Variants in TRIM25 observed in about 807,000 individuals in gnomAD.
The protein encoded by TRIM25 is E3 ubiquitin/ISG15 ligase TRIM25.
TRIM25 carries 45 observed loss-of-function variants against 65.2 expected under a neutral mutation model. That is an observed-to-expected ratio of 0.69 (90% CI 0.54 to 0.89). TRIM25 has a LOEUF of 0.89. Ranked by LOEUF, TRIM25 falls within the 40% of genes least tolerant of loss-of-function variation. The pLI is 0.00. For missense variants in TRIM25, 714 were observed against 803.7 expected, an observed-to-expected ratio of 0.89 and a Z score of 1.35; for synonymous variants, 321 against 340.4, an observed-to-expected ratio of 0.94 and a Z score of 0.63.
In TRIM25 at chr17:56,913,396, A is replaced by C. The variant is rs778615840; in HGVS notation, c.593T>G (p.Leu198Arg). ...ACCCAGCAGGCCGTTCCCTACCTCC[A>C]GGTCGGCGCTGGCCTGGCTCAGGGA... Reference protein sequence around the residue: ...PASLSQASADLEATLRHKLTV... With the variant: ...PASLSQASADREATLRHKLTV... The change falls in exon 1 of 9, where the codon CTG (leucine) becomes CGG (arginine). Residue 198 changes from leucine (L) to arginine (R), a missense_variant. Transcript: ENST00000316881. The surrounding 1 kb of genome is among the most constrained non-coding windows in gnomAD (Gnocchi z 6.1). 1.3e-6 allele frequency: 2 copies of C among 1,558,644 alleles called. No individual in the cohort carries two copies. Among genetic ancestry groups the C allele is most frequent in the South Asian group, 2.4e-5 (2 of 83,440 alleles).
intron 5 of TRIM25, among the ~76,000 whole-genome samples, chr17:56,898,215 A>C (rs1909334732): frequency 6.6e-6 from 1 of 152,310 alleles, no homozygotes; most frequent in Non-Finnish European, 1.5e-5. Flanking sequence ...GTATATGGAC[A>C]TGTCAGCAGT....
At chr17:56,894,899 A>T (rs1461622285) in intron 8 of TRIM25, among the ~76,000 whole-genome samples, 1 of 152,234 alleles carries the variant, frequency 6.6e-6, no homozygotes, top group Non-Finnish European at 1.5e-5. Context: ...GTGAAGCAGA[A>T]GGTGGGCGGG....
chr17:56,891,573 G>A lies in TRIM25; in HGVS notation c.*127C>T. ...AATCCCACCTCCCACCCTCCCGCCA[G>A]CTCCCCTCCCATGCTCCCAATCCTT... On this transcript the variant is annotated 3_prime_UTR_variant, in exon 9 of 9. Coordinates refer to ENST00000316881, the MANE Select transcript of TRIM25 (RefSeq NM_005082.5). The A allele has an allele frequency of 2.0e-4, 63 of 309,464 alleles. No homozygotes were observed. Among genetic ancestry groups the A allele is most frequent in the Middle Eastern group, 1.3e-3 (1 of 798 alleles). 19.2% of individuals were successfully genotyped at this position (309,464 alleles called of 1,614,324 possible). A position where few individuals can be genotyped will look rare whatever the true frequency, so the allele number is the denominator to read the frequency against.
chr17:56,906,300 A>G (rs1909518468), intron 2 of TRIM25, among the ~76,000 whole-genome samples: 3 of 152,156 alleles, frequency 2.0e-5, no homozygotes. Flanking sequence ...TGCTGGAAGC[A>G]TGCTCTTGGA....
chr17:56,904,349 T>C lies in TRIM25; in HGVS notation c.833A>G (p.Tyr278Cys), dbSNP rs776527461. Residue 278 changes from tyrosine (Y) to cysteine (C), a missense_variant, in exon 3 of 9, where the codon TAT (tyrosine) becomes TGT (cysteine). Physicochemically the swap from Tyr to Cys is radical, Grantham distance 194. Transcript: ENST00000316881. ...KRVNSKFDTI[Y>C]QILLKKKSEI... ...ACTCTTCTTCTTGAGGAGAATCTGATAAATGGTGTCAAACTTGCTGTTGAC... is the reference window on the plus strand; with the variant it reads ...ACTCTTCTTCTTGAGGAGAATCTGACAAATGGTGTCAAACTTGCTGTTGAC... 6 of 1,614,044 alleles carry C rather than the reference T, an allele frequency of 3.7e-6. No homozygotes were observed. Among genetic ancestry groups the C allele is most frequent in the East Asian group, 4.5e-5 (2 of 44,892 alleles).
chr17:56,910,693 C>G (rs1239983153), intron 1 of TRIM25, among the ~76,000 whole-genome samples: 3 of 152,228 alleles, frequency 2.0e-5, no homozygotes. Context: ...CAATAATCCC[C>G]TAATCAAAGG....
chr17:56,899,165 T>C lies in TRIM25; in HGVS notation c.1103A>G (p.His368Arg). 2.5e-6 allele frequency: 4 copies of C among 1,614,036 alleles called. No homozygotes were observed. The highest frequency in any genetic ancestry group is 1.3e-5 in the African/African-American group (1 of 74,982). The change falls in exon 5 of 9, where the codon CAT becomes CGT. Residue 368 changes from histidine to arginine, a missense_variant. By Grantham distance (29) the His-to-Arg change is conservative. This residue lies in a region of TRIM25 where 413 missense variants were observed against 498.2 expected (regional missense o/e 0.83). Transcript: ENST00000316881. Reference sequence around the variant, plus strand: ...GGATTTGTGTGTGGACGCTGGGTCATGCTCTCCAGGGTCACCTGTGTCAGA... The same window carrying C: ...GGATTTGTGTGTGGACGCTGGGTCACGCTCTCCAGGGTCACCTGTGTCAGA... ...PTPSSGDPGE[H>R]DPASTHKSTR...
In TRIM25 at chr17:56,901,467, C is replaced by A; in HGVS notation, c.1039G>T (p.Glu347Ter). 6.2e-7 allele frequency: 1 copy of A among 1,614,084 alleles called. No individual in the cohort carries two copies. The highest frequency in any genetic ancestry group is 8.5e-7 in the Non-Finnish European group (1 of 1,180,018). The change falls in exon 4 of 9, where the codon GAG (glutamate) becomes TAG (stop). Residue 347 changes from glutamate (E) to a stop codon, truncating the protein, a stop_gained. Transcript: ENST00000316881. LOFTEE classifies it high-confidence loss of function. ...IHQSTIDLKNELKQCIGRLQE... is the reference protein window; with the variant it reads ...IHQSTIDLKN ...AGCCGCCCGATGCACTGCTTCAGCT[C>A]GTTTTTGAGGTCTATGGTGCTCTGG...
Position 56,891,922 on chromosome 17 carries a change from C to T in TRIM25, c.1671G>A (p.Lys557=). Residue 557 remains lysine (K), a synonymous_variant, in exon 9 of 9, where the codon AAG becomes AAA. Coordinates refer to ENST00000316881, the MANE Select transcript of TRIM25 (RefSeq NM_005082.5). ...ASWCVEWFNT[K]ISAWHNNVEK... is the part of the protein sequence containing the mutation. Reference sequence around the variant, plus strand: ...CCACGTTATTGTGCCAGGCAGAGATCTTGGTGTTGAACCACTCCACGCACC... The same window carrying T: ...CCACGTTATTGTGCCAGGCAGAGATTTTGGTGTTGAACCACTCCACGCACC... The T allele has an allele frequency of 6.2e-7, 1 of 1,614,240 alleles. No individual in the cohort carries two copies. The highest frequency in any genetic ancestry group is 8.5e-7 in the Non-Finnish European group (1 of 1,180,044).
chr17:56,904,422 C>A lies in TRIM25; in HGVS notation c.760G>T (p.Ala254Ser), dbSNP rs138531008. The change falls in exon 3 of 9, where the codon GCC becomes TCC. Residue 254 changes from alanine (A) to serine (S), a missense_variant. Around this residue, in one of 3 missense-constraint regions of TRIM25, gnomAD observed 413 missense variants for 498.2 expected, o/e 0.83. Transcript: ENST00000316881. ...EYTEMKALLDASETTSTRKIK... is the reference protein window; with the variant it reads ...EYTEMKALLDSSETTSTRKIK... ...TTCCTTGTCGAGGTGGTCTCTGAGG[C>A]GTCCAAGAGAGCCTTCATTTCCGTG... The A allele has an allele frequency of 1.2e-6, 2 of 1,614,116 alleles. No individual in the cohort carries two copies.
intron 4 of TRIM25, among the ~76,000 whole-genome samples, chr17:56,901,097 C>T (rs1402115670): frequency 6.6e-6 from 1 of 152,100 alleles, no homozygotes; most frequent in African/African-American, 2.4e-5. Flanking sequence ...GGGCCATTCC[C>T]CCACCAAACA....
chr17:56,908,750 T>G, intron 1 of TRIM25, 187 bp from the exon 2 acceptor site: 2 of 599,274 alleles, frequency 3.3e-6, no homozygotes, highest in Non-Finnish European at 6.0e-6. Context: ...TACTTACTAC[T>G]TCCCTTCATC....
intron 6 of TRIM25, 85 bp from the exon 7 acceptor site, chr17:56,895,689 AAC>A: frequency 2.9e-6 from 4 of 1,379,510 alleles, no homozygotes; most frequent in Non-Finnish European, 4.0e-6. Flanking sequence ...CACTTCTACA[AAC>A]ACACGCCTGA....
At chr17:56,898,720 A>G (rs1291446790) in intron 5 of TRIM25, among the ~76,000 whole-genome samples, 3 of 152,064 alleles carry the variant, frequency 2.0e-5, no homozygotes, top group Non-Finnish European at 4.4e-5. Flanking sequence ...AAAAAAAAAA[A>G]ACAGTTGAGA....
At chr17:56,895,272 A>G (rs1374389518) in intron 8 of TRIM25, 71 bp downstream of exon 8, 10 of 1,269,620 alleles carry the variant, frequency 7.9e-6, no homozygotes, top group Admixed American at 3.7e-5. Context: ...CTGGCCTCAC[A>G]GAGAGCTGCA....
intron 2 of TRIM25, among the ~76,000 whole-genome samples, chr17:56,907,288 G>C (rs997841646): frequency 2.0e-5 from 3 of 152,216 alleles, no homozygotes; most frequent in African/African-American, 7.2e-5. Flanking sequence ...GTGTATCTTT[G>C]TTACAGCAGT....
At position 56,890,880 on chromosome 17, in the gene TRIM25, A is replaced by G. The variant is rs1401376267; in HGVS notation, c.*820T>C. The stretch of plus-strand genomic sequence containing the variant: ...CTATGGGAAGCAAGGCCTCCAGCAA[A>G]GCTCATGGCTGCCACCAAAGCATCT... On this transcript the variant is annotated 3_prime_UTR_variant, in exon 9 of 9. Coordinates refer to ENST00000316881, the MANE Select transcript of TRIM25 (RefSeq NM_005082.5). The G allele has an allele frequency of 2.2e-6, 1 of 456,692 alleles. No homozygotes were observed. The highest frequency in any genetic ancestry group is 4.4e-6 in the Non-Finnish European group (1 of 226,958). The allele number at this position is 456,692 out of a possible 1,614,324, so 28.3% of individuals were successfully genotyped here.
rs550892295 is a variant in TRIM25, at chr17:56,904,810, C to T, written c.694-322G>A. Among the ~76,000 whole-genome samples the T allele has an allele frequency of 2.6e-5, 4 of 152,284 alleles. No homozygotes were observed. The South Asian group carries it at 8.3e-4, about 32-fold the overall frequency. On this transcript the variant is annotated intron_variant, in intron 2 of 8. Transcript: ENST00000316881. ...AACCTGAACATCCATCAGAAGAAGA[C>T]TTGAAGCAAAGACTGGGAGCTATTC...
intron 2 of TRIM25, among the ~76,000 whole-genome samples, chr17:56,905,737 C>T (rs1398100010): frequency 6.6e-6 from 1 of 152,076 alleles, no homozygotes; most frequent in Non-Finnish European, 1.5e-5. Flanking sequence ...GCAGGAGGAT[C>T]GCTTGAGGCC....
Sources: gnomAD v4.1 joint callset for allele counts (sites outside exome capture counted in the v4.1 genomes callset) on GRCh38, gnomAD v4.1.1 for gene constraint, gnomAD v4.1.1 regional missense constraint, Gnocchi (gnomAD v3.1) non-coding constraint, MANE v1.5 for transcripts, NCBI Gene and HGNC (gene_info 2026-07-23, HGNC 2026-07-21) for gene names.